PDE2A: variants seen among roughly 807,000 people sequenced by gnomAD.
The protein encoded by PDE2A is phosphodiesterase 2A, also known as cGMP-dependent 3',5'-cyclic phosphodiesterase.
Under a neutral mutation model 133.6 loss-of-function variants are expected in PDE2A, and 53 were observed. The observed-to-expected ratio is 0.40, with a 90% CI of 0.32 to 0.50. The LOEUF is 0.50. PDE2A is among the 20% of genes least tolerant of loss of function. The pLI is 0.73. For synonymous variants in PDE2A, 491 were observed against 490.2 expected (o/e 1.00, Z -0.02); for missense variants, 796 against 1,232.4 (o/e 0.65, Z 5.30).
At chr11:72,600,342 G>A (rs1856683976) in intron 4 of PDE2A, among the ~76,000 whole-genome samples, 1 of 152,154 alleles carries the variant, frequency 6.6e-6, no homozygotes, top group African/African-American at 2.4e-5. Flanking sequence ...AGCTGGGATA[G>A]ACCAATCTTG....
intron 1 of PDE2A, among the ~76,000 whole-genome samples, chr11:72,650,298 C>T (rs1205239807): frequency 2.7e-5 from 4 of 150,536 alleles, no homozygotes; most frequent in Non-Finnish European, 5.9e-5. Flanking sequence ...GCTGGGATTA[C>T]AGGCGTGAGC....
At chr11:72,583,375 C>T (rs1001615408) in intron 20 of PDE2A, 63 bp downstream of exon 20, 2 of 1,142,606 alleles carry the variant, frequency 1.8e-6, no homozygotes, top group African/African-American at 3.0e-5. Context: ...ATCAGGAAGC[C>T]CTGCCTGGCC....
chr11:72,672,088 C>T (rs1455623295), intron 1 of PDE2A, among the ~76,000 whole-genome samples: 1 of 152,202 alleles, frequency 6.6e-6, no homozygotes, highest in Non-Finnish European at 1.5e-5. Context: ...GGCTTGGCCT[C>T]CACTCTAGCC....
In PDE2A at chr11:72,581,959, A is replaced by G; in HGVS notation, c.1852-12T>C. 6.2e-7 allele frequency: 1 copy of G among 1,612,452 alleles called. No homozygotes were observed. Among genetic ancestry groups the G allele is most frequent in the Non-Finnish European group, 8.5e-7 (1 of 1,178,534 alleles). ...ATGCTCAGGATGGCCTGGAGAGGGC[A>G]GAGGGAGGTATCAGAGGGGCTGCCA... On this transcript the variant is annotated splice_polypyrimidine_tract_variant and intron_variant, in intron 21 of 30. Coordinates refer to ENST00000334456, the MANE Select transcript of PDE2A (RefSeq NM_002599.5).
chr11:72,630,412 T>C (rs939889558), intron 2 of PDE2A, among the ~76,000 whole-genome samples: 13 of 152,026 alleles, frequency 8.6e-5, no homozygotes, highest in Middle Eastern at 3.4e-3. Context: ...GGAGTGAGCT[T>C]GGTCCCATGG....
chr11:72,578,354 T>C lies in PDE2A; in HGVS notation c.2509-15A>G. 6.3e-7 allele frequency: 1 copy of C among 1,594,754 alleles called. No individual in the cohort carries two copies. The highest frequency in any genetic ancestry group is 8.6e-7 in the Non-Finnish European group (1 of 1,162,520). ...ATGGCCTTCTCCTGCAGGCATCGAG[T>C]CGTCAGGCCTGTCCCTCTCATTCCT... On this transcript the variant is annotated splice_polypyrimidine_tract_variant and intron_variant, in intron 29 of 30. Coordinates refer to ENST00000334456, the MANE Select transcript of PDE2A (RefSeq NM_002599.5). This position sits in a 1 kb window ranked among gnomAD's most constrained non-coding sequence, Gnocchi z 4.2.
At chr11:72,585,074 G>GGGCT in intron 16 of PDE2A, 130 bp from the exon 17 acceptor site, 1 of 862,094 alleles carries the variant, frequency 1.2e-6, no homozygotes, top group Non-Finnish European at 1.9e-6. Flanking sequence ...ACTCTGCTCA[G>GGGCT]GGCTGGCTGG....
chr11:72,584,935 C>T lies in PDE2A; in HGVS notation c.1296G>A (p.Val432=), dbSNP rs762816006. ...RNLSNAEICS[V]FLLDQNELVA... is the part of the protein sequence containing the mutation. ...CCAGCTCATTCTGATCCAGCAGGAA[C>T]ACAGAGCAGCTGTGGAGGGAGGGGT... Residue 432 remains valine (V), a synonymous_variant, in exon 17 of 31, where the codon GTG becomes GTA. Coordinates refer to ENST00000334456, the MANE Select transcript of PDE2A (RefSeq NM_002599.5). The T allele has an allele frequency of 1.2e-5, 19 of 1,614,168 alleles. 1 individual carries two copies. The Middle Eastern group carries it at 2.3e-3, about 196-fold the overall frequency.
At chr11:72,642,486 G>T in intron 1 of PDE2A, 160 bp from the exon 2 acceptor site, 2 of 607,416 alleles carry the variant, frequency 3.3e-6, no homozygotes, top group Non-Finnish European at 1.8e-6. Flanking sequence ...GCCCCGGCCC[G>T]CCCCCCGCCC....
At chr11:72,654,819 C>T (rs1013816802) in intron 1 of PDE2A, among the ~76,000 whole-genome samples, 3 of 152,156 alleles carry the variant, frequency 2.0e-5, no homozygotes, top group African/African-American at 7.2e-5. Flanking sequence ...TTTTGTCTGT[C>T]GAGGTCTCCA....
At chr11:72,661,335 T>G (rs1267422831) in intron 1 of PDE2A, among the ~76,000 whole-genome samples, 1 of 152,052 alleles carries the variant, frequency 6.6e-6, no homozygotes. Flanking sequence ...AATAAATATC[T>G]TCTGAGGCCC....
rs1033445229 is a variant in PDE2A, at chr11:72,598,415, G to A, written c.324-796C>T. 6.5e-6 allele frequency: 6 copies of A among 929,434 alleles called. No homozygotes were observed. The African/African-American group carries it at 8.5e-5, about 13-fold the overall frequency. The allele number at this position is 929,434 out of a possible 1,614,324, so 57.6% of individuals were successfully genotyped here. Reference sequence around the variant, plus strand: ...GGGTGGTGGGAACCAAGGCAGGGGAGGTTGGTATGGGAAGAATGAGTTTCT... The same window carrying A: ...GGGTGGTGGGAACCAAGGCAGGGGAAGTTGGTATGGGAAGAATGAGTTTCT... On this transcript the variant is annotated intron_variant, in intron 4 of 30. Coordinates refer to ENST00000334456, the MANE Select transcript of PDE2A (RefSeq NM_002599.5).
At chr11:72,614,577 T>G (rs1374892884) in intron 2 of PDE2A, among the ~76,000 whole-genome samples, 2 of 152,162 alleles carry the variant, frequency 1.3e-5, no homozygotes, top group East Asian at 3.9e-4. Flanking sequence ...GGGTTTCTGA[T>G]ACAGTAGGTC....
intron 14 of PDE2A, 123 bp downstream of exon 14, chr11:72,585,947 G>A (rs1487754221): frequency 5.8e-6 from 4 of 689,442 alleles, no homozygotes; most frequent in South Asian, 3.4e-5. Context: ...TGAGGTTATG[G>A]AGCCACCTGG....
intron 1 of PDE2A, among the ~76,000 whole-genome samples, chr11:72,665,560 G>T (rs1460774068): frequency 6.6e-6 from 1 of 152,122 alleles, no homozygotes; most frequent in Non-Finnish European, 1.5e-5. Flanking sequence ...ATCCTCCCCA[G>T]GCCCAAGAGA....
chr11:72,631,431 G>A (rs1255458913), intron 2 of PDE2A, among the ~76,000 whole-genome samples: 2 of 152,002 alleles, frequency 1.3e-5, no homozygotes, highest in African/African-American at 4.8e-5. Context: ...TCTTTCTGAG[G>A]CCTCCTCCAC....
intron 2 of PDE2A, among the ~76,000 whole-genome samples, chr11:72,625,957 TGGGGCCGG>T (rs1858041118): frequency 6.6e-6 from 1 of 151,986 alleles, no homozygotes; most frequent in African/African-American, 2.4e-5. Context: ...CGGTGGGGGG[TGGGGCCGG>T]CTGGAGCAAC....
rs1358987412 is a variant in PDE2A, at chr11:72,650,926, CAT to C, written c.72-8602_72-8601del. ...ACACACACACACACACACACACACACATACACAAAGGCTACTAAGAGCTGAGC... is the reference window on the plus strand; with the variant it reads ...ACACACACACACACACACACACACACACACAAAGGCTACTAAGAGCTGAGC... On this transcript the variant is annotated intron_variant, in intron 1 of 30. Coordinates refer to ENST00000334456, the MANE Select transcript of PDE2A (RefSeq NM_002599.5). Among the ~76,000 whole-genome samples the C allele has an allele frequency of 2.1e-3, 270 of 128,906 alleles. 3 individuals are homozygous for C. Among genetic ancestry groups the C allele is most frequent in the African/African-American group, 6.2e-3 (204 of 32,692 alleles). 84.6% of individuals were successfully genotyped at this position (128,906 alleles called of 152,430 possible). A position where few individuals can be genotyped will look rare whatever the true frequency, so the allele number is the denominator to read the frequency against.
chr11:72,617,946 T>TG (rs896927118), intron 2 of PDE2A, among the ~76,000 whole-genome samples: 39 of 152,182 alleles, frequency 2.6e-4, no homozygotes, highest in African/African-American at 9.4e-4. Context: ...GGGGTCCGTC[T>TG]GGGGCACGCC....
Sources: gnomAD v4.1 joint callset for allele counts (sites outside exome capture counted in the v4.1 genomes callset) on GRCh38, gnomAD v4.1.1 for gene constraint, Gnocchi (gnomAD v3.1) non-coding constraint, MANE v1.5 for transcripts, NCBI Gene and HGNC (gene_info 2026-07-23, HGNC 2026-07-21) for gene names.